Variants in SCARB1 observed in about 807,000 individuals in gnomAD.
The protein encoded by SCARB1 is scavenger receptor class B member 1.
SCARB1 carries 30 observed loss-of-function variants against 57.2 expected under a neutral mutation model. The ratio of observed to expected loss-of-function variants is 0.52; its 90% CI spans 0.39 to 0.71. The LOEUF is 0.71. Among genes scored for constraint, SCARB1 ranks in the 30% least tolerant of loss-of-function variants. The pLI is 0.00. For missense variants in SCARB1, 543 were observed against 671.2 expected (o/e 0.81, Z 2.11); for synonymous variants, 249 against 268.3 (o/e 0.93, Z 0.70).
At chr12:124,801,693 T>C (rs573719871) in intron 7 of SCARB1, among the ~76,000 whole-genome samples, 2 of 151,514 alleles carry the variant, frequency 1.3e-5, no homozygotes, top group South Asian at 2.1e-4. Flanking sequence ...GGCAGGAGAA[T>C]TGCTTGAACC....
Position 124,810,109 on chromosome 12 carries a change from A to G in SCARB1, c.842+65T>C. On this transcript the variant is annotated intron_variant, in intron 6 of 12. Coordinates refer to ENST00000261693, the MANE Select transcript of SCARB1 (RefSeq NM_005505.5). This position sits in a 1 kb window ranked among gnomAD's most constrained non-coding sequence, Gnocchi z 4.0. Reference sequence around the variant, plus strand: ...CAAAATGCTTTCCAAGTGCACAGCCAACACCACAGAATTTGGCCATGAGCT... The same window carrying G: ...CAAAATGCTTTCCAAGTGCACAGCCGACACCACAGAATTTGGCCATGAGCT... The G allele has an allele frequency of 3.0e-6, 3 of 1,005,892 alleles. No homozygotes were observed. In the East Asian group the frequency reaches 7.2e-5, roughly 24 times the overall value. The allele number at this position is 1,005,892 out of a possible 1,614,324, so 62.3% of individuals were successfully genotyped here.
chr12:124,821,953 C>G (rs1226641005), intron 1 of SCARB1, among the ~76,000 whole-genome samples: 1 of 152,138 alleles, frequency 6.6e-6, no homozygotes, highest in Non-Finnish European at 1.5e-5. Context: ...CTGTCCCCAC[C>G]ACCCCCAAGG....
At chr12:124,790,357 T>C (rs955552347) in intron 9 of SCARB1, among the ~76,000 whole-genome samples, 4 of 151,920 alleles carry the variant, frequency 2.6e-5, no homozygotes, top group African/African-American at 9.7e-5. Context: ...CCAGTCTAGA[T>C]AGCAGAGCGA....
chr12:124,837,738 C>A (rs1341079121), intron 1 of SCARB1, among the ~76,000 whole-genome samples: 1 of 76,088 alleles, frequency 1.3e-5, no homozygotes, highest in Non-Finnish European at 3.4e-5. Flanking sequence ...CACCCACCAA[C>A]CTATAAAAAA....
chr12:124,842,290 A>G (rs906476501), intron 1 of SCARB1, among the ~76,000 whole-genome samples: 2 of 152,224 alleles, frequency 1.3e-5, no homozygotes, highest in African/African-American at 4.8e-5. Flanking sequence ...TAAGGCTCCA[A>G]TGGCCTCACG....
rs529192750 is a variant in SCARB1 at position 124,794,501 on chromosome 12, C to T, written c.1202+694G>A. 9.3e-5 allele frequency among the ~76,000 whole-genome samples: 14 copies of T among 150,490 alleles called. No homozygotes were observed. The East Asian group carries it at 2.8e-3, about 30-fold the overall frequency. The stretch of plus-strand genomic sequence containing the variant: ...CTGCAAGCTCCGCCTCCCGGGTTCA[C>T]GCCATTCTCCTGCCTCAGCGTTTCC... On this transcript the variant is annotated intron_variant, in intron 9 of 12. Transcript: ENST00000261693.
chr12:124,843,305 T>C lies in SCARB1; in HGVS notation c.126+20290A>G, dbSNP rs942700740. Among the ~76,000 whole-genome samples, 26 of 147,856 alleles carry C rather than the reference T, an allele frequency of 1.8e-4. 1 individual carries two copies. The highest frequency in any genetic ancestry group is 1.4e-3 in the South Asian group (6 of 4,428). ...TCTGTGGAGATGGGGGGGGGGGTCT[T>C]ACTATGTTACCCAGGCTGGTCTTGA... On this transcript the variant is annotated intron_variant, in intron 1 of 12. Coordinates refer to ENST00000261693, the MANE Select transcript of SCARB1 (RefSeq NM_005505.5).
chr12:124,848,035 G>T (rs1952233944), intron 1 of SCARB1, among the ~76,000 whole-genome samples: 1 of 152,136 alleles, frequency 6.6e-6, no homozygotes, highest in Non-Finnish European at 1.5e-5. Flanking sequence ...GGATTAAAGA[G>T]GAAAAACACA....
intron 12 of SCARB1, among the ~76,000 whole-genome samples, chr12:124,782,292 G>A (rs1479150485): frequency 6.6e-6 from 1 of 152,066 alleles, no homozygotes; most frequent in East Asian, 1.9e-4. Flanking sequence ...CAGATTCCAG[G>A]GTCCCACCAT....
At chr12:124,836,930 G>C (rs906299306) in intron 1 of SCARB1, among the ~76,000 whole-genome samples, 4 of 143,994 alleles carry the variant, frequency 2.8e-5, no homozygotes, top group African/African-American at 1.0e-4. Flanking sequence ...ACAGAGTCTT[G>C]ACCTTGGGTC....
Position 124,786,390 on chromosome 12 carries a change from C to A in SCARB1, c.1368G>T (p.Leu456=), listed in dbSNP as rs1949519556. ...GGATTTGGCAGATGACAGGGACCAGCAGCAGGACGCAGCCCAGCGCCAGGA... is the reference window on the plus strand; with the variant it reads ...GGATTTGGCAGATGACAGGGACCAGAAGCAGGACGCAGCCCAGCGCCAGGA... ...YVLLALGCVL[L]LVPVICQIRS... The change falls in exon 11 of 13, where the codon CTG becomes CTT. Residue 456 remains leucine, a synonymous_variant. Coordinates refer to ENST00000261693, the MANE Select transcript of SCARB1 (RefSeq NM_005505.5). 1 of 1,614,038 alleles carries A rather than the reference C, an allele frequency of 6.2e-7. No individual in the cohort carries two copies. Among genetic ancestry groups the A allele is most frequent in the African/African-American group, 1.3e-5 (1 of 74,944 alleles).
chr12:124,852,768 C>T (rs770375605), intron 1 of SCARB1, among the ~76,000 whole-genome samples: 3 of 152,220 alleles, frequency 2.0e-5, no homozygotes, highest in African/African-American at 4.8e-5. Context: ...AAGCCAGGCG[C>T]GGTGGCTCAT....
intron 1 of SCARB1, among the ~76,000 whole-genome samples, chr12:124,853,574 T>C (rs1245418019): frequency 6.6e-6 from 1 of 152,086 alleles, no homozygotes; most frequent in Non-Finnish European, 1.5e-5. Flanking sequence ...TTTGTATTTT[T>C]AGTAGAGATG....
intron 1 of SCARB1, among the ~76,000 whole-genome samples, chr12:124,851,589 G>C (rs1952402008): frequency 6.6e-6 from 1 of 151,090 alleles, no homozygotes; most frequent in Non-Finnish European, 1.5e-5. Context: ...TGAGAACAAA[G>C]TGAAACATAA....
chr12:124,859,695 C>T lies in SCARB1; in HGVS notation c.126+3900G>A, dbSNP rs187703543. Among the ~76,000 whole-genome samples the T allele has an allele frequency of 9.4e-3, 1,429 of 152,180 alleles. 28 individuals are homozygous for T. Among genetic ancestry groups the T allele is most frequent in the African/African-American group, 0.032 (1,326 of 41,504 alleles). On this transcript the variant is annotated intron_variant, in intron 1 of 12. Transcript: ENST00000261693. Reference sequence around the variant, plus strand: ...TAAGCCATTGAAAATAATGGCAGGGCGCGGTGGTTCACACCTATCATCCCA... The same window carrying T: ...TAAGCCATTGAAAATAATGGCAGGGTGCGGTGGTTCACACCTATCATCCCA...
In SCARB1 at chr12:124,810,212, A is replaced by C; in HGVS notation, c.804T>G (p.Pro268=). Residue 268 remains proline, a synonymous_variant, in exon 6 of 13, where the codon CCT becomes CCG. Coordinates refer to ENST00000261693, the MANE Select transcript of SCARB1 (RefSeq NM_005505.5). This position sits in a 1 kb window ranked among gnomAD's most constrained non-coding sequence, Gnocchi z 4.0. ...GGCTGTAGAACTCCAGCGAGGACTC[A>C]GGAGTCATGAAGGGCGGCCACATTT... ...SGQMWPPFMT[P]ESSLEFYSPE... 6.2e-7 allele frequency: 1 copy of C among 1,613,922 alleles called. No individual in the cohort carries two copies. The highest frequency in any genetic ancestry group is 8.5e-7 in the Non-Finnish European group (1 of 1,179,756).
intron 1 of SCARB1, among the ~76,000 whole-genome samples, chr12:124,833,476 T>C (rs968517676): frequency 7.9e-5 from 12 of 152,012 alleles, no homozygotes; most frequent in African/African-American, 2.2e-4. Flanking sequence ...GTGTGAGCCA[T>C]CATGCCTGGT....
At chr12:124,847,606 T>A (rs1952217630) in intron 1 of SCARB1, among the ~76,000 whole-genome samples, 1 of 152,164 alleles carries the variant, frequency 6.6e-6, no homozygotes, top group African/African-American at 2.4e-5. Context: ...TCTCTTCCCA[T>A]GTGATGGCAC....
In SCARB1 at chr12:124,777,163, T is replaced by C. The variant is rs1237791486; in HGVS notation, c.*1424A>G. 7.1e-6 allele frequency: 1 copy of C among 141,458 alleles called. No homozygotes were observed. The highest frequency in any genetic ancestry group is 1.6e-5 in the Non-Finnish European group (1 of 63,384). The allele number at this position is 141,458 out of a possible 1,614,324, so 8.8% of individuals were successfully genotyped here. On this transcript the variant is annotated 3_prime_UTR_variant, in exon 13 of 13. Transcript: ENST00000261693. ...ATGACAATCGGAGAAAATTCCATCC[T>C]TTGCAATGATCTACACTTAAGATGA...
Sources: allele counts gnomAD v4.1 joint callset (sites outside exome capture counted in the v4.1 genomes callset), GRCh38; gene constraint gnomAD v4.1.1; non-coding constraint Gnocchi (gnomAD v3.1); transcripts MANE v1.5; gene names NCBI Gene and HGNC (gene_info 2026-07-23, HGNC 2026-07-21).